Variants in NXPH2 observed in about 807,000 individuals in gnomAD.
NXPH2 encodes neurexophilin 2.
NXPH2 carries 5 observed loss-of-function variants against 19.8 expected under a neutral mutation model. The observed-to-expected ratio is 0.25, with a 90% CI of 0.13 to 0.53. The LOEUF (loss-of-function observed/expected upper bound fraction) is 0.53. Among genes scored for constraint, NXPH2 ranks in the 20% least tolerant of loss-of-function variants. NXPH2 has a pLI of 0.96. For missense variants in NXPH2, 289 were observed against 322.8 expected (o/e 0.90, Z 0.80); for synonymous variants, 154 against 127.4 (o/e 1.21, Z -1.41).
intron 1 of NXPH2, among the ~76,000 whole-genome samples, chr2:138,751,959 T>G (rs1341211638): frequency 6.6e-6 from 1 of 152,106 alleles, no homozygotes; most frequent in South Asian, 2.1e-4. Context: ...CTAGGAATAT[T>G]TGAGATGCTT....
In NXPH2 at chr2:138,670,834, G is replaced by A. The variant is rs186461611; in HGVS notation, c.*88C>T. On this transcript the variant is annotated 3_prime_UTR_variant, in exon 2 of 2. Transcript: ENST00000272641. ...TATTGTTCACTGCCAGAAACAAAAG[G>A]GATCCTTTATCATAAAGAGCTGGGC... 1.4e-4 allele frequency: 191 copies of A among 1,383,634 alleles called. 4 individuals carry two copies. The East Asian group carries it at 2.3e-3, about 16-fold the overall frequency. The allele number at this position is 1,383,634 out of a possible 1,614,324, so 85.7% of individuals were successfully genotyped here. A position where few individuals can be genotyped will look rare whatever the true frequency, so the allele number is the denominator to read the frequency against.
intron 1 of NXPH2, among the ~76,000 whole-genome samples, chr2:138,682,200 AAAC>A (rs1680589882): frequency 6.6e-6 from 1 of 152,212 alleles, no homozygotes; most frequent in South Asian, 2.1e-4. Flanking sequence ...TGAATATAAC[AAAC>A]AAAATATATA....
chr2:138,676,888 A>G (rs772637566), intron 1 of NXPH2, among the ~76,000 whole-genome samples: 2 of 152,206 alleles, frequency 1.3e-5, no homozygotes, highest in East Asian at 1.9e-4. Flanking sequence ...ATGTTTCCCT[A>G]TGTTTCTAGT....
intron 1 of NXPH2, among the ~76,000 whole-genome samples, chr2:138,754,648 A>G (rs1283255580): frequency 1.3e-5 from 2 of 152,168 alleles, no homozygotes; most frequent in Admixed American, 1.3e-4. Context: ...TGCTATAAAC[A>G]TTTGCATGCA....
intron 1 of NXPH2, among the ~76,000 whole-genome samples, chr2:138,731,922 A>G (rs976597040): frequency 3.9e-5 from 6 of 152,202 alleles, no homozygotes; most frequent in African/African-American, 1.4e-4. Context: ...ATCATTCACA[A>G]GATATACATT....
chr2:138,745,497 G>C (rs200851689), intron 1 of NXPH2, among the ~76,000 whole-genome samples: 2 of 98,512 alleles, frequency 2.0e-5, no homozygotes, highest in African/African-American at 3.1e-5. Flanking sequence ...TTTTGGCGGG[G>C]GGGGGGGGGT....
chr2:138,679,041 C>G (rs928370797), intron 1 of NXPH2, among the ~76,000 whole-genome samples: 5 of 152,178 alleles, frequency 3.3e-5, no homozygotes, highest in Admixed American at 3.3e-4. Context: ...TATAGGATAA[C>G]GCTTTCCTAC....
intron 1 of NXPH2, among the ~76,000 whole-genome samples, chr2:138,747,703 A>G (rs761237865): frequency 5.3e-5 from 8 of 152,098 alleles, no homozygotes; most frequent in Non-Finnish European, 1.2e-4. Flanking sequence ...GGCTGGGCCT[A>G]CCCTTCCTGT....
At chr2:138,741,771 A>G (rs975584796) in intron 1 of NXPH2, among the ~76,000 whole-genome samples, 1 of 152,206 alleles carries the variant, frequency 6.6e-6, no homozygotes, top group Non-Finnish European at 1.5e-5. Flanking sequence ...AAATAACTAG[A>G]TATTACCTAC....
chr2:138,758,807 A>C (rs1234090755), intron 1 of NXPH2, among the ~76,000 whole-genome samples: 1 of 152,208 alleles, frequency 6.6e-6, no homozygotes, highest in Non-Finnish European at 1.5e-5. Context: ...ACACCAGCAA[A>C]AAGTTTGCTC....
intron 1 of NXPH2, among the ~76,000 whole-genome samples, chr2:138,688,441 G>A (rs1230144187): frequency 3.3e-5 from 5 of 152,080 alleles, no homozygotes; most frequent in South Asian, 2.1e-4. Flanking sequence ...CTCAACCTCC[G>A]AATGTGCTAG....
intron 1 of NXPH2, among the ~76,000 whole-genome samples, chr2:138,775,248 T>C (rs1682243460): frequency 6.6e-6 from 1 of 152,184 alleles, no homozygotes. Flanking sequence ...TATATACCAA[T>C]CTTACAGCAT....
chr2:138,688,741 G>A (rs535460758), intron 1 of NXPH2, among the ~76,000 whole-genome samples: 1 of 152,274 alleles, frequency 6.6e-6, no homozygotes, highest in South Asian at 2.1e-4. Flanking sequence ...GATGATCATT[G>A]CAGTCATATC....
chr2:138,703,145 G>T (rs1387801279), intron 1 of NXPH2, among the ~76,000 whole-genome samples: 1 of 152,160 alleles, frequency 6.6e-6, no homozygotes, highest in Non-Finnish European at 1.5e-5. Context: ...TGACTGAACT[G>T]TTAATAATTT....
intron 1 of NXPH2, among the ~76,000 whole-genome samples, chr2:138,766,222 C>T (rs1048739234): frequency 6.6e-6 from 1 of 152,174 alleles, no homozygotes; most frequent in Non-Finnish European, 1.5e-5. Context: ...ATTAGAAGAA[C>T]TAAAATGTTG....
intron 1 of NXPH2, among the ~76,000 whole-genome samples, chr2:138,710,786 C>T (rs918248060): frequency 6.6e-6 from 1 of 152,166 alleles, no homozygotes; most frequent in Admixed American, 6.5e-5. Flanking sequence ...TTGATTCACT[C>T]GCCGTCTGTT....
chr2:138,721,645 GA>G (rs998277982), intron 1 of NXPH2, among the ~76,000 whole-genome samples: 32 of 152,074 alleles, frequency 2.1e-4, no homozygotes, highest in African/African-American at 5.8e-4. Context: ...TGTATGTAGG[GA>G]AAAAAACTAA....
At chr2:138,703,693 T>C (rs1042443198) in intron 1 of NXPH2, among the ~76,000 whole-genome samples, 39 of 152,220 alleles carry the variant, frequency 2.6e-4, no homozygotes, top group African/African-American at 8.9e-4. Flanking sequence ...TGACTAAATG[T>C]GAACTTGGCC....
intron 1 of NXPH2, among the ~76,000 whole-genome samples, chr2:138,759,578 T>A (rs150103076): frequency 1.5e-4 from 22 of 149,614 alleles, no homozygotes; most frequent in African/African-American, 4.9e-4. Flanking sequence ...TTTTTTTTTT[T>A]AAAGAGGATT....
Sources: allele counts gnomAD v4.1 joint callset (sites outside exome capture counted in the v4.1 genomes callset), GRCh38; gene constraint gnomAD v4.1.1; transcripts MANE v1.5; gene names NCBI Gene and HGNC (gene_info 2026-07-23, HGNC 2026-07-21).